The following PCSK9 variants were observed in gnomAD, a reference collection of about 807,000 sequenced individuals.
The protein encoded by PCSK9 is convertase subtilisin/kexin type 9 preproprotein.
In PCSK9, 57 loss-of-function variants were observed where a neutral mutation model predicts 62.1. The observed-to-expected ratio is 0.92, with a 90% CI of 0.74 to 1.14. The LOEUF (loss-of-function observed/expected upper bound fraction) is 1.14. Ranked by LOEUF, PCSK9 falls within the 50% of genes most tolerant of loss-of-function variation. PCSK9 has a pLI of 0.00. For missense variants in PCSK9, 870 were observed against 959.8 expected, an observed-to-expected ratio of 0.91 and a Z score of 1.24; for synonymous variants, 387 against 409.4, an observed-to-expected ratio of 0.95 and a Z score of 0.66.
chr1:55,039,824 C>T lies in PCSK9; in HGVS notation c.-14C>T. On this transcript the variant is annotated 5_prime_UTR_variant, in exon 1 of 12. Coordinates refer to ENST00000302118, the MANE Select transcript of PCSK9 (RefSeq NM_174936.4). ...GGTCTCCTCGCCAGGACAGCAACCTCTCCCCTGGCCCTCATGGGCACCGTC... is the reference window on the plus strand; with the variant it reads ...GGTCTCCTCGCCAGGACAGCAACCTTTCCCCTGGCCCTCATGGGCACCGTC... 6.4e-7 allele frequency: 1 copy of T among 1,567,548 alleles called. No homozygotes were observed. The highest frequency in any genetic ancestry group is 8.6e-7 in the Non-Finnish European group (1 of 1,157,376).
chr1:55,059,973 G>A (rs145284813), intron 10 of PCSK9, among the ~76,000 whole-genome samples: 3 of 152,342 alleles, frequency 2.0e-5, no homozygotes, highest in Admixed American at 1.3e-4. Context: ...GTGCAGTCCA[G>A]GAGAGGCAGC....
chr1:55,051,582 C>A (rs556109521), intron 3 of PCSK9: 1 of 236,344 alleles, frequency 4.2e-6, no homozygotes, highest in Non-Finnish European at 8.4e-6. Context: ...GGCGACTCCC[C>A]CAGTGAGTCT....
chr1:55,060,029 G>A (rs1046393459), intron 10 of PCSK9, among the ~76,000 whole-genome samples: 21 of 152,170 alleles, frequency 1.4e-4, no homozygotes, highest in Admixed American at 6.5e-5. Context: ...GGCAGACCTC[G>A]GTTTGAATTT....
intron 3 of PCSK9, 55 bp from the exon 4 acceptor site, chr1:55,052,223 A>G (rs1644679412): frequency 1.9e-6 from 3 of 1,612,018 alleles, no homozygotes; most frequent in Non-Finnish European, 1.7e-6. Context: ...TGTGTTAACT[A>G]TAAGGTTGAC....
intron 4 of PCSK9, 43 bp downstream of exon 4, chr1:55,052,454 C>T: frequency 6.2e-7 from 1 of 1,613,142 alleles, no homozygotes. Flanking sequence ...CTGCCCATAT[C>T]CCCATCCTGG....
At chr1:55,052,904 C>G in intron 5 of PCSK9, 113 bp downstream of exon 5, 6 of 1,526,356 alleles carry the variant, frequency 3.9e-6, no homozygotes, top group Non-Finnish European at 5.4e-6. Flanking sequence ...CTGTGGCAGC[C>G]TCTGCCGCAG....
chr1:55,046,228 G>T (rs1012964080), intron 2 of PCSK9, among the ~76,000 whole-genome samples: 3 of 152,236 alleles, frequency 2.0e-5, no homozygotes, highest in Non-Finnish European at 2.9e-5. Flanking sequence ...CCTGCCCAGA[G>T]CCTTGGCACA....
intron 3 of PCSK9, chr1:55,051,050 C>T (rs1024900097): frequency 1.9e-5 from 8 of 426,686 alleles, no homozygotes; most frequent in East Asian, 7.2e-5. Context: ...CACCAGAAGC[C>T]GGAAGACGTG....
chr1:55,053,254 C>T (rs1644689279), intron 5 of PCSK9, among the ~76,000 whole-genome samples: 1 of 152,194 alleles, frequency 6.6e-6, no homozygotes, highest in Admixed American at 6.5e-5. Context: ...GAGGAACTGG[C>T]AGAGGACTTT....
chr1:55,057,841 C>T (rs1644726874), intron 7 of PCSK9, among the ~76,000 whole-genome samples, 195 bp from the exon 8 acceptor site: 1 of 152,190 alleles, frequency 6.6e-6, no homozygotes, highest in Admixed American at 6.5e-5. Context: ...ACTACCAAGG[C>T]TTAGAGGTGT....
chr1:55,059,430 C>T, intron 9 of PCSK9, 56 bp from the exon 10 acceptor site: 1 of 1,539,462 alleles, frequency 6.5e-7, no homozygotes, highest in Non-Finnish European at 8.8e-7. Context: ...TAGTCCCTTT[C>T]TGTGTTTTCA....
At chr1:55,055,238 C>T (rs1644705233) in intron 5 of PCSK9, among the ~76,000 whole-genome samples, 1 of 152,158 alleles carries the variant, frequency 6.6e-6, no homozygotes, top group Non-Finnish European at 1.5e-5. Context: ...GGTGAGTGGG[C>T]AGCCAAGACT....
At chr1:55,055,885 C>T in intron 5 of PCSK9, 108 bp from the exon 6 acceptor site, 3 of 1,140,978 alleles carry the variant, frequency 2.6e-6, no homozygotes, top group East Asian at 2.7e-5. Context: ...AAACATCAGG[C>T]CACAAAGTTG....
intron 11 of PCSK9, among the ~76,000 whole-genome samples, chr1:55,062,591 C>T (rs1318162879): frequency 6.6e-6 from 1 of 151,894 alleles, no homozygotes; most frequent in East Asian, 2.0e-4. Context: ...GGAGAGGTCT[C>T]GCTGACAAGG....
At chr1:55,056,893 G>T (rs893678920) in intron 6 of PCSK9, among the ~76,000 whole-genome samples, 5 of 152,192 alleles carry the variant, frequency 3.3e-5, no homozygotes, top group Non-Finnish European at 7.4e-5. Flanking sequence ...TGGGGGTGGG[G>T]GTTGCAGAGC....
At chr1:55,061,635 C>T (rs758634028) in intron 11 of PCSK9, 79 bp downstream of exon 11, 54 of 1,518,530 alleles carry the variant, frequency 3.6e-5, no homozygotes, top group Non-Finnish European at 4.7e-5. Context: ...GTTTGTGCCA[C>T]CACCATACCG....
chr1:55,063,449 C>T lies in PCSK9; in HGVS notation c.1944C>T (p.Tyr648=), dbSNP rs138178437. The part of the protein sequence containing the change: ...LPGTSHVLGA[Y]AVDNTCVVRS... ...GGACCTCCCACGTCCTGGGGGCCTA[C>T]GCCGTAGACAACACGTGTGTAGTCA... Residue 648 remains tyrosine, a synonymous_variant, in exon 12 of 12, where the codon TAC becomes TAT. Coordinates refer to ENST00000302118, the MANE Select transcript of PCSK9 (RefSeq NM_174936.4). 5.0e-5 allele frequency: 80 copies of T among 1,614,080 alleles called. No individual in the cohort carries two copies. The African/African-American group carries it at 8.7e-4, about 17-fold the overall frequency.
intron 7 of PCSK9, 68 bp from the exon 8 acceptor site, chr1:55,057,968 G>C (rs1009435205): frequency 1.3e-6 from 2 of 1,590,542 alleles, no homozygotes; most frequent in African/African-American, 2.7e-5. Context: ...GTGTGCACTG[G>C]CAGGAGTCCC....
rs1644759321 is a variant in PCSK9 at position 55,061,564 on chromosome 1, G to A, written c.1863+8G>A. 1 of 1,584,678 alleles carries A rather than the reference G, an allele frequency of 6.3e-7. No homozygotes were observed. The highest frequency in any genetic ancestry group is 8.6e-7 in the Non-Finnish European group (1 of 1,165,380). On this transcript the variant is annotated splice_region_variant and intron_variant, in intron 11 of 11. Coordinates refer to ENST00000302118, the MANE Select transcript of PCSK9 (RefSeq NM_174936.4). Reference sequence around the variant, plus strand: ...CCGGCCCCTCAGGAGCAGGTGAAGAGGCCCGTGAGGCCGGGTGGGTGGGGT... The same window carrying A: ...CCGGCCCCTCAGGAGCAGGTGAAGAAGCCCGTGAGGCCGGGTGGGTGGGGT...
Sources: gnomAD v4.1 joint callset for allele counts (sites outside exome capture counted in the v4.1 genomes callset) on GRCh38, gnomAD v4.1.1 for gene constraint, MANE v1.5 for transcripts, NCBI Gene and HGNC (gene_info 2026-07-23, HGNC 2026-07-21) for gene names.